Variants in TK1 observed in about 807,000 individuals in gnomAD.
TK1 encodes the protein thymidine kinase, cytosolic.
Under a neutral mutation model 22.4 loss-of-function variants are expected in TK1, and 13 were observed. The observed-to-expected ratio is 0.58, with a 90% CI of 0.38 to 0.92. The LOEUF (loss-of-function observed/expected upper bound fraction) is 0.92. TK1 is among the 40% of genes least tolerant of loss of function. TK1 has a pLI of 0.00. For synonymous variants in TK1, 134 were observed against 125.4 expected (o/e 1.07, Z -0.46); for missense variants, 251 against 315.7 (o/e 0.80, Z 1.55).
chr17:78,182,443 C>A, intron 4 of TK1, 146 bp downstream of exon 4: 1 of 507,944 alleles, frequency 2.0e-6, no homozygotes, highest in Middle Eastern at 4.1e-4. Flanking sequence ...TAGAAAGGGG[C>A]CTTCAGAGGG....
At chr17:78,181,537 CAA>C (rs34860308) in intron 4 of TK1, among the ~76,000 whole-genome samples, 2,054 of 122,756 alleles carry the variant, frequency 0.017, 48 homozygotes, top group African/African-American at 0.056. Flanking sequence ...GACTCCGTCT[CAA>C]AAAAAAAAAA....
chr17:78,186,875 G>A, intron 1 of TK1, 54 bp downstream of exon 1: 5 of 1,567,400 alleles, frequency 3.2e-6, no homozygotes, highest in Non-Finnish European at 4.3e-6. Context: ...CCTGGACACA[G>A]GCTATCACCA....
intron 4 of TK1, among the ~76,000 whole-genome samples, chr17:78,175,904 G>A (rs2075696221): frequency 1.3e-5 from 2 of 152,200 alleles, no homozygotes; most frequent in African/African-American, 4.8e-5. Flanking sequence ...CAGCTGTGCT[G>A]TTTAACACTG....
chr17:78,180,905 C>T (rs958875636), intron 4 of TK1, among the ~76,000 whole-genome samples: 2 of 152,168 alleles, frequency 1.3e-5, no homozygotes, highest in South Asian at 2.1e-4. Context: ...AGAGAGATGG[C>T]GGCCTTCCTC....
intron 4 of TK1, 126 bp downstream of exon 4, chr17:78,182,463 A>G: frequency 1.6e-6 from 1 of 637,758 alleles, no homozygotes; most frequent in Non-Finnish European, 2.6e-6. Context: ...GTATTCCAAC[A>G]CTAGTTGTAG....
chr17:78,183,978 C>T (rs145539985), intron 3 of TK1, among the ~76,000 whole-genome samples: 246 of 152,314 alleles, frequency 1.6e-3, no homozygotes, highest in African/African-American at 5.5e-3. Context: ...GGGCAGAACT[C>T]ATATTTAATC....
chr17:78,181,226 C>T (rs2075735194), intron 4 of TK1, among the ~76,000 whole-genome samples: 2 of 152,106 alleles, frequency 1.3e-5, no homozygotes, highest in African/African-American at 4.8e-5. Context: ...GCCAGGGCAA[C>T]AGAGCAAGAC....
intron 2 of TK1, among the ~76,000 whole-genome samples, 164 bp downstream of exon 2, chr17:78,186,623 C>G (rs2075797766): frequency 6.8e-6 from 1 of 147,272 alleles, no homozygotes. Context: ...GAGGAGCACC[C>G]CAGGCGGGAG....
intron 5 of TK1, 118 bp from the exon 6 acceptor site, chr17:78,175,287 C>T: frequency 1.5e-6 from 2 of 1,363,398 alleles, no homozygotes; most frequent in East Asian, 2.8e-5. Flanking sequence ...CTTAGTCCTT[C>T]CCCCAACCCC....
rs1423792156 is a variant in TK1 at position 78,184,962 on chromosome 17, A to T, written c.209+93T>A. On this transcript the variant is annotated intron_variant, in intron 3 of 6. Coordinates refer to ENST00000301634, the MANE Select transcript of TK1 (RefSeq NM_003258.5). The stretch of plus-strand genomic sequence containing the variant: ...CTGATTTGAATCATTCAATGTTCAA[A>T]TGATTAACCATCCCCATTAAAGAGA... 3 of 971,054 alleles carry T rather than the reference A, an allele frequency of 3.1e-6. No homozygotes were observed. The Admixed American group carries it at 6.0e-5, about 20-fold the overall frequency. 60.2% of individuals were successfully genotyped at this position (971,054 alleles called of 1,614,324 possible). A position where few individuals can be genotyped will look rare whatever the true frequency, so the allele number is the denominator to read the frequency against.
At chr17:78,175,016 C>G (rs769339359) in intron 6 of TK1, 34 bp downstream of exon 6, 1 of 1,611,014 alleles carries the variant, frequency 6.2e-7, no homozygotes, top group Admixed American at 1.7e-5. Flanking sequence ...ATACCCCCAC[C>G]CCGCCGGCCT....
chr17:78,182,947 C>T (rs2075748356), intron 3 of TK1, among the ~76,000 whole-genome samples: 1 of 152,180 alleles, frequency 6.6e-6, no homozygotes, highest in South Asian at 2.1e-4. Flanking sequence ...CAATCTCTAC[C>T]TCCCAATTCT....
In TK1 at chr17:78,175,620, T is replaced by C. The variant is rs1270666060; in HGVS notation, c.304-2A>G. 1 of 1,613,024 alleles carries C rather than the reference T, an allele frequency of 6.2e-7. No homozygotes were observed. On this transcript the variant is annotated splice_acceptor_variant, in intron 4 of 6. Transcript: ENST00000301634. LOFTEE classifies it high-confidence loss of function. ...GCAGAACTCCACGATGTCAGGGAAC[T>C]GGAAAGGGCACGTGGAGAAAGAGTG...
At chr17:78,179,051 A>G (rs764268889) in intron 4 of TK1, 247 of 585,748 alleles carry the variant, frequency 4.2e-4, no homozygotes, top group Non-Finnish European at 4.8e-4. Flanking sequence ...CTCCTGACTC[A>G]GGGCATTTGG....
intron 4 of TK1, among the ~76,000 whole-genome samples, chr17:78,177,790 G>A (rs2145823510): frequency 6.6e-6 from 1 of 152,000 alleles, no homozygotes; most frequent in African/African-American, 2.4e-5. Flanking sequence ...TAGCCAGGAT[G>A]GTCTCGATCT....
At chr17:78,181,015 G>A (rs1313149124) in intron 4 of TK1, among the ~76,000 whole-genome samples, 1 of 152,200 alleles carries the variant, frequency 6.6e-6, no homozygotes, top group East Asian at 1.9e-4. Flanking sequence ...TTTGGGAGCT[G>A]AGGCATGCGG....
intron 2 of TK1, 105 bp downstream of exon 2, chr17:78,186,682 G>C: frequency 9.8e-7 from 1 of 1,024,504 alleles, no homozygotes; most frequent in Non-Finnish European, 1.4e-6. Context: ...GGGGAGGGAA[G>C]GGAAGGGGAG....
chr17:78,175,479 GC>G (rs751868359), intron 5 of TK1, 49 bp downstream of exon 5: 18 of 1,553,130 alleles, frequency 1.2e-5, no homozygotes, highest in African/African-American at 4.1e-5. Flanking sequence ...CCATCCAGAA[GC>G]CTCTTGCCCT....
chr17:78,186,333 C>G lies in TK1; in HGVS notation c.98+454G>C, dbSNP rs532151894. The stretch of plus-strand genomic sequence containing the variant: ...GGGTCAGGGAATGGTTCTATCACCT[C>G]AGGAGAGCAGAGGCTCCACGGCTTC... On this transcript the variant is annotated intron_variant, in intron 2 of 6. Coordinates refer to ENST00000301634, the MANE Select transcript of TK1 (RefSeq NM_003258.5). Among the ~76,000 whole-genome samples, 91 of 152,148 alleles carry G rather than the reference C, an allele frequency of 6.0e-4. 1 individual carries two copies. Among genetic ancestry groups the G allele is most frequent in the Non-Finnish European group, 8.1e-4 (55 of 68,028 alleles).
Sources: allele counts gnomAD v4.1 joint callset (sites outside exome capture counted in the v4.1 genomes callset), GRCh38; gene constraint gnomAD v4.1.1; transcripts MANE v1.5; gene names NCBI Gene and HGNC (gene_info 2026-07-23, HGNC 2026-07-21).